Variants in XRCC4 observed in about 807,000 individuals in gnomAD.
XRCC4 encodes DNA repair protein XRCC4.
Under a neutral mutation model 39.1 loss-of-function variants are expected in XRCC4, and 28 were observed. That is an observed-to-expected ratio of 0.72 (90% CI 0.53 to 0.98). XRCC4 has a LOEUF of 0.98. Among genes scored for constraint, XRCC4 ranks in the 50% least tolerant of loss-of-function variants. The probability of loss-of-function intolerance (pLI) is 0.00; values close to 1 mark genes in which losing one functional copy is unlikely to be tolerated. For missense variants in XRCC4, 350 were observed against 376.4 expected, an observed-to-expected ratio of 0.93 and a Z score of 0.58; for synonymous variants, 123 against 126.4, an observed-to-expected ratio of 0.97 and a Z score of 0.18.
chr5:83,110,209 A>G (rs959171352), intron 2 of XRCC4, among the ~76,000 whole-genome samples: 59 of 152,194 alleles, frequency 3.9e-4, no homozygotes, highest in African/African-American at 1.4e-3. Context: ...GAAAACAAGT[A>G]AAACAAGAAT....
At chr5:83,302,694 C>T (rs1580485267) in intron 7 of XRCC4, among the ~76,000 whole-genome samples, 2 of 152,218 alleles carry the variant, frequency 1.3e-5, no homozygotes, top group South Asian at 2.1e-4. Context: ...ATTTTATTCA[C>T]GGAGAACAGC....
chr5:83,345,716 T>C (rs896500957), intron 7 of XRCC4, among the ~76,000 whole-genome samples: 2 of 152,188 alleles, frequency 1.3e-5, no homozygotes, highest in African/African-American at 4.8e-5. Flanking sequence ...CCGGCCGTAG[T>C]GATACCATTT....
intron 6 of XRCC4, among the ~76,000 whole-genome samples, chr5:83,252,650 C>G (rs539388114): frequency 1.5e-4 from 23 of 152,086 alleles, no homozygotes; most frequent in African/African-American, 5.3e-4. Context: ...ATTATTTACT[C>G]TATTTTGTCA....
chr5:83,291,752 G>A (rs113905368), intron 7 of XRCC4, among the ~76,000 whole-genome samples: 4,461 of 151,770 alleles, frequency 0.029, 82 homozygotes, highest in Non-Finnish European at 0.042. Context: ...CTCTGTAACA[G>A]CTCATTTGGA....
intron 7 of XRCC4, among the ~76,000 whole-genome samples, chr5:83,335,934 C>G (rs1756581146): frequency 6.6e-6 from 1 of 151,950 alleles, no homozygotes; most frequent in Non-Finnish European, 1.5e-5. Context: ...TGGAAAACTA[C>G]ACATAAGCAA....
intron 3 of XRCC4, among the ~76,000 whole-genome samples, chr5:83,161,254 G>GC (rs748438424): frequency 1.7e-4 from 26 of 151,984 alleles, no homozygotes; most frequent in Non-Finnish European, 3.2e-4. Flanking sequence ...GGGATTATGG[G>GC]CACCCACCAC....
chr5:83,215,216 A>G (rs954490514), intron 6 of XRCC4, among the ~76,000 whole-genome samples: 5 of 151,894 alleles, frequency 3.3e-5, no homozygotes, highest in African/African-American at 1.2e-4. Flanking sequence ...GAGCATGCCT[A>G]TAGTCCCAGC....
At chr5:83,089,674 G>A (rs1412881906) in intron 1 of XRCC4, among the ~76,000 whole-genome samples, 2 of 151,874 alleles carry the variant, frequency 1.3e-5, no homozygotes, top group Admixed American at 6.6e-5. Context: ...TATGCCTCAC[G>A]AATAATTTTC....
In XRCC4 at chr5:83,353,631, A is replaced by G. The variant is rs1224394230; in HGVS notation, c.*389A>G. ...AAAATGTCTTCAGCTTTTTTTGAATAGACGTATTCAAACATATTCTGAACA... is the reference window on the plus strand; with the variant it reads ...AAAATGTCTTCAGCTTTTTTTGAATGGACGTATTCAAACATATTCTGAACA... On this transcript the variant is annotated 3_prime_UTR_variant, in exon 8 of 8. Coordinates refer to ENST00000396027, the MANE Select transcript of XRCC4 (RefSeq NM_003401.5). 1.3e-5 allele frequency: 2 copies of G among 154,064 alleles called. No individual in the cohort carries two copies. The highest frequency in any genetic ancestry group is 1.3e-4 in the Admixed American group (2 of 15,328). The allele number at this position is 154,064 out of a possible 1,614,324, so 9.5% of individuals were successfully genotyped here.
intron 3 of XRCC4, among the ~76,000 whole-genome samples, chr5:83,123,181 A>G (rs10065973): frequency 0.49 from 74,445 of 151,888 alleles, 19,188 homozygotes; most frequent in African/African-American, 0.63. Context: ...TCCTTGAAGT[A>G]ATATCAGACA....
At chr5:83,310,717 G>A (rs1359028750) in intron 7 of XRCC4, 2 of 447,886 alleles carry the variant, frequency 4.5e-6, no homozygotes, top group Non-Finnish European at 9.0e-6. Context: ...ATTAAATTAA[G>A]TATCTGAGAT....
intron 7 of XRCC4, among the ~76,000 whole-genome samples, chr5:83,264,942 C>T (rs1346697091): frequency 6.6e-6 from 1 of 151,900 alleles, no homozygotes; most frequent in Non-Finnish European, 1.5e-5. Flanking sequence ...CAATTTGTAC[C>T]CTCACAACAG....
intron 3 of XRCC4, among the ~76,000 whole-genome samples, chr5:83,156,889 C>G (rs941713388): frequency 1.3e-5 from 2 of 151,896 alleles, no homozygotes; most frequent in Non-Finnish European, 2.9e-5. Flanking sequence ...ATTGGGAGTA[C>G]CAGTTACCTC....
At chr5:83,141,962 A>T (rs538558358) in intron 3 of XRCC4, among the ~76,000 whole-genome samples, 21 of 152,084 alleles carry the variant, frequency 1.4e-4, no homozygotes, top group Admixed American at 9.2e-4. Context: ...TTTTACACCT[A>T]CTGTCTTCTG....
chr5:83,126,489 T>A (rs767176243), intron 3 of XRCC4, among the ~76,000 whole-genome samples: 1 of 152,178 alleles, frequency 6.6e-6, no homozygotes, highest in Non-Finnish European at 1.5e-5. Flanking sequence ...TGCAAATAGA[T>A]GCAGTTTAAA....
At chr5:83,222,077 G>A (rs1752106984) in intron 6 of XRCC4, among the ~76,000 whole-genome samples, 2 of 151,210 alleles carry the variant, frequency 1.3e-5, no homozygotes, top group African/African-American at 2.4e-5. Context: ...ATCTGAGATC[G>A]GTCTTTGTGT....
At chr5:83,236,808 A>C (rs1213144042) in intron 6 of XRCC4, among the ~76,000 whole-genome samples, 1 of 152,046 alleles carries the variant, frequency 6.6e-6, no homozygotes, top group Non-Finnish European at 1.5e-5. Flanking sequence ...AATATTTACA[A>C]ATCACCCAGC....
At chr5:83,242,766 T>C (rs1752961661) in intron 6 of XRCC4, among the ~76,000 whole-genome samples, 1 of 152,186 alleles carries the variant, frequency 6.6e-6, no homozygotes, top group Non-Finnish European at 1.5e-5. Flanking sequence ...AAAATCAATT[T>C]CCTTTGTAAT....
intron 7 of XRCC4, among the ~76,000 whole-genome samples, chr5:83,345,060 A>G (rs1756878148): frequency 6.6e-6 from 1 of 152,094 alleles, no homozygotes; most frequent in South Asian, 2.1e-4. Flanking sequence ...GGAAGTTCCT[A>G]TAGTCTTTGG....
Sources: allele counts gnomAD v4.1 joint callset (sites outside exome capture counted in the v4.1 genomes callset), GRCh38; gene constraint gnomAD v4.1.1; transcripts MANE v1.5; gene names NCBI Gene and HGNC (gene_info 2026-07-23, HGNC 2026-07-21).